The following AMZ1 variants were observed in gnomAD, a reference collection of about 807,000 sequenced individuals.
AMZ1 encodes the protein archaemetzincin-1.
AMZ1 carries 39 observed loss-of-function variants against 29.9 expected under a neutral mutation model. The ratio of observed to expected loss-of-function variants is 1.30; its 90% confidence interval spans 1.01 to 1.70. The LOEUF is 1.70. Among genes scored for constraint, AMZ1 ranks in the 40% most tolerant of loss-of-function variants. The pLI is 0.00. For missense variants in AMZ1, 1,041 were observed against 680.6 expected, an observed-to-expected ratio of 1.53 and a Z score of -5.89; for synonymous variants, 458 against 304.0, an observed-to-expected ratio of 1.51 and a Z score of -5.27.
At chr7:2,703,225 C>T (rs1330800801) in intron 3 of AMZ1, among the ~76,000 whole-genome samples, 2 of 152,176 alleles carry the variant, frequency 1.3e-5, no homozygotes, top group African/African-American at 4.8e-5. Flanking sequence ...CGGCTCACTG[C>T]AACCTCCCGG....
chr7:2,736,506 G>A (rs1790184374), intron 4 of AMZ1, among the ~76,000 whole-genome samples: 1 of 152,194 alleles, frequency 6.6e-6, no homozygotes, highest in African/African-American at 2.4e-5. Flanking sequence ...GGATGAACCT[G>A]AGCAGGGGCT....
chr7:2,709,056 T>C lies in AMZ1; in HGVS notation c.602-19T>C, dbSNP rs757734454. On this transcript the variant is annotated intron_variant, in intron 4 of 6. Coordinates refer to ENST00000683327, the MANE Select transcript of AMZ1 (RefSeq NM_001384743.1). ...CAAGGCTGACCCCTGAGAGTGCCCTTCTCTCCATCTCTCTCCAGAAGTGGG... is the reference window on the plus strand; with the variant it reads ...CAAGGCTGACCCCTGAGAGTGCCCTCCTCTCCATCTCTCTCCAGAAGTGGG... 1.0e-5 allele frequency: 16 copies of C among 1,551,612 alleles called. No homozygotes were observed. The highest frequency in any genetic ancestry group is 1.4e-5 in the African/African-American group (1 of 72,324).
intron 4 of AMZ1, among the ~76,000 whole-genome samples, chr7:2,746,288 G>T (rs1053665416): frequency 2.0e-5 from 3 of 152,154 alleles, no homozygotes; most frequent in African/African-American, 7.2e-5. Flanking sequence ...GCACTCCTCA[G>T]CAAATGTAAA....
At chr7:2,743,173 C>A (rs1324680485) in intron 4 of AMZ1, among the ~76,000 whole-genome samples, 1 of 152,162 alleles carries the variant, frequency 6.6e-6, no homozygotes, top group Non-Finnish European at 1.5e-5. Flanking sequence ...TGGCTGGCCC[C>A]TGAACCGTAT....
chr7:2,736,609 T>G (rs911195026), intron 4 of AMZ1, among the ~76,000 whole-genome samples: 1 of 152,146 alleles, frequency 6.6e-6, no homozygotes, highest in Non-Finnish European at 1.5e-5. Context: ...CGGGCAGATG[T>G]GATGTCGTGA....
Position 2,700,253 on chromosome 7 carries a change from C to T in AMZ1, c.-199C>T, listed in dbSNP as rs1049941606. The T allele has an allele frequency of 4.8e-6, 3 of 624,834 alleles. No individual in the cohort carries two copies. The highest frequency in any genetic ancestry group is 3.0e-5 in the Admixed American group (1 of 33,770). The allele number at this position is 624,834 out of a possible 1,614,324, so 38.7% of individuals were successfully genotyped here. A position where few individuals can be genotyped will look rare whatever the true frequency, so the allele number is the denominator to read the frequency against. On this transcript the variant is annotated 5_prime_UTR_variant, in exon 2 of 7. Coordinates refer to ENST00000683327, the MANE Select transcript of AMZ1 (RefSeq NM_001384743.1). ...CCACAGGGTGCTGTGGGCCCAGAAG[C>T]GCCCATGCCTGAGAGCGTCCAGGAC... is the stretch of plus-strand genomic sequence containing the variant.
intron 3 of AMZ1, among the ~76,000 whole-genome samples, chr7:2,705,891 T>TCCTCACCTCC (rs1788324582): frequency 6.6e-6 from 1 of 152,196 alleles, no homozygotes; most frequent in South Asian, 2.1e-4. Context: ...GCCTCAGCTC[T>TCCTCACCTCC]CCTCACCTCC....
At chr7:2,746,768 C>T (rs1310363133) in intron 4 of AMZ1, among the ~76,000 whole-genome samples, 2 of 151,970 alleles carry the variant, frequency 1.3e-5, no homozygotes, top group Non-Finnish European at 2.9e-5. Context: ...TGATAGACCG[C>T]TAGCAAGACT....
At chr7:2,756,692 A>G (rs926833627) in intron 4 of AMZ1, among the ~76,000 whole-genome samples, 7 of 152,246 alleles carry the variant, frequency 4.6e-5, no homozygotes, top group Admixed American at 6.5e-5. Context: ...TCAGAATTCT[A>G]AGATGAGCCT....
rs57732652 is a variant in AMZ1, at chr7:2,713,242, GA to G, written c.*374del. The G allele has an allele frequency of 2.5e-4, 41 of 163,374 alleles. No homozygotes were observed. Among genetic ancestry groups the G allele is most frequent in the African/African-American group, 4.6e-4 (19 of 41,446 alleles). The allele number at this position is 163,374 out of a possible 1,614,324, so 10.1% of individuals were successfully genotyped here. A position where few individuals can be genotyped will look rare whatever the true frequency, so the allele number is the denominator to read the frequency against. ...GGGCCACACAGAAAGACTGTCTCCA[GA>G]AAAAAAAAAGTTCTTTGGAGAAGCC... On this transcript the variant is annotated 3_prime_UTR_variant, in exon 7 of 7. Transcript: ENST00000683327.
At chr7:2,685,577 G>A (rs1288525621), upstream of AMZ1, among the ~76,000 whole-genome samples, 1 of 144,334 alleles carries the variant, frequency 6.9e-6, no homozygotes, top group Non-Finnish European at 1.5e-5. Context: ...AAAAAAGGCC[G>A]GGTGCGGTGG....
intron 1 of AMZ1, among the ~76,000 whole-genome samples, chr7:2,691,667 G>A (rs1278545417): frequency 7.0e-6 from 1 of 143,008 alleles, no homozygotes; most frequent in Non-Finnish European, 1.5e-5. Flanking sequence ...GGAGGCGGAG[G>A]TTGCAGTGAG....
rs1562379309 is a variant in AMZ1 at position 2,715,580 on chromosome 7, A to T, written c.*2702A>T. On this transcript the variant is annotated 3_prime_UTR_variant, in exon 7 of 7. Transcript: ENST00000683327. ...GAAGTGGGAAGGAGCAAACCACTAA[A>T]AAAAACTCCTTTTATCCGCAGCGTT... 6.6e-6 allele frequency: 1 copy of T among 152,228 alleles called. No homozygotes were observed. The highest frequency in any genetic ancestry group is 1.9e-4 in the East Asian group (1 of 5,204). The allele number at this position is 152,228 out of a possible 1,614,324, so 9.4% of individuals were successfully genotyped here.
At chr7:2,736,178 A>T (rs1401733980) in intron 4 of AMZ1, among the ~76,000 whole-genome samples, 1 of 152,190 alleles carries the variant, frequency 6.6e-6, no homozygotes, top group Non-Finnish European at 1.5e-5. Context: ...GCAGAAACTG[A>T]GATGTCCACA....
intron 1 of AMZ1, among the ~76,000 whole-genome samples, chr7:2,696,040 A>G (rs898822675): frequency 2.0e-5 from 3 of 150,876 alleles, no homozygotes; most frequent in East Asian, 1.9e-4. Context: ...GGAAATGGAC[A>G]TAACTATTAT....
rs1360635051 is a variant in AMZ1 at position 2,719,412 on chromosome 7, C to T, written c.*6534C>T. 6.6e-6 allele frequency among the ~76,000 whole-genome samples: 1 copy of T among 152,214 alleles called. No individual in the cohort carries two copies. The highest frequency in any genetic ancestry group is 2.4e-5 in the African/African-American group (1 of 41,450). ...CCTCCTCTGCTCCAACAGCAGAGCCCAGAGCATCCCTTGGCCCGACGCACA... is the reference window on the plus strand; with the variant it reads ...CCTCCTCTGCTCCAACAGCAGAGCCTAGAGCATCCCTTGGCCCGACGCACA... On this transcript the variant is annotated 3_prime_UTR_variant, in exon 7 of 7. Transcript: ENST00000683327.
intron 4 of AMZ1, among the ~76,000 whole-genome samples, chr7:2,736,373 G>A (rs1019976444): frequency 3.3e-5 from 5 of 152,124 alleles, no homozygotes; most frequent in South Asian, 2.1e-4. Flanking sequence ...TTGGACTTGC[G>A]GATTAAATGA....
chr7:2,721,762 C>T (rs950785297), downstream of AMZ1, among the ~76,000 whole-genome samples: 2 of 150,582 alleles, frequency 1.3e-5, no homozygotes, highest in African/African-American at 2.4e-5. Context: ...CACTCAGGGG[C>T]CCCCCACTTC....
chr7:2,728,236 G>A (rs192945328), intron 4 of AMZ1: 15 of 152,354 alleles, frequency 9.8e-5, no homozygotes, highest in Admixed American at 5.2e-4. Flanking sequence ...CAACTGACCC[G>A]GACCACTACC....
Sources: gnomAD v4.1 joint callset for allele counts (sites outside exome capture counted in the v4.1 genomes callset) on GRCh38, gnomAD v4.1.1 for gene constraint, MANE v1.5 for transcripts, NCBI Gene and HGNC (gene_info 2026-07-23, HGNC 2026-07-21) for gene names.